Variants in ALDH1L1 observed in about 807,000 individuals in gnomAD.
ALDH1L1 encodes the protein aldehyde dehydrogenase 1 family member L1, also known as cytosolic 10-formyltetrahydrofolate dehydrogenase.
Under a neutral mutation model 101.1 loss-of-function variants are expected in ALDH1L1, and 68 were observed. That is an observed-to-expected ratio of 0.67 (90% CI 0.55 to 0.82). ALDH1L1 has a LOEUF of 0.82. Among genes scored for constraint, ALDH1L1 ranks in the 40% least tolerant of loss-of-function variants. ALDH1L1 has a pLI of 0.00. For synonymous variants in ALDH1L1, 486 were observed against 470.8 expected (o/e 1.03, Z -0.42); for missense variants, 1,087 against 1,172.7 (o/e 0.93, Z 1.07).
At chr3:126,130,813 G>A (rs2080285842) in intron 13 of ALDH1L1, among the ~76,000 whole-genome samples, 1 of 152,230 alleles carries the variant, frequency 6.6e-6, no homozygotes, top group South Asian at 2.1e-4. Flanking sequence ...CTCTACAAAT[G>A]GCCCCCAAGT....
At chr3:126,133,586 C>T (rs1408774390) in intron 12 of ALDH1L1, among the ~76,000 whole-genome samples, 2 of 152,226 alleles carry the variant, frequency 1.3e-5, no homozygotes, top group East Asian at 3.8e-4. Flanking sequence ...GTGCACTATT[C>T]GGGAAGCTCT....
intron 16 of ALDH1L1, among the ~76,000 whole-genome samples, chr3:126,121,717 G>C (rs1171228867): frequency 6.6e-5 from 10 of 152,172 alleles, no homozygotes; most frequent in Admixed American, 6.5e-4. Context: ...GTAAGAGCAG[G>C]GAATATCTGT....
chr3:126,112,643 C>G, intron 19 of ALDH1L1, 139 bp downstream of exon 19: 1 of 749,194 alleles, frequency 1.3e-6, no homozygotes, highest in Non-Finnish European at 2.2e-6. Context: ...TGTGGGTTCC[C>G]TGACCCCCGG....
At chr3:126,178,205 A>T (rs2081398651) in intron 1 of ALDH1L1, among the ~76,000 whole-genome samples, 1 of 151,872 alleles carries the variant, frequency 6.6e-6, no homozygotes, top group Admixed American at 6.6e-5. Flanking sequence ...ACAAAGTGAG[A>T]CCCATCTCTA....
At chr3:126,135,752 C>G (rs2080426472) in intron 11 of ALDH1L1, 90 bp from the exon 12 acceptor site, 2 of 1,409,692 alleles carry the variant, frequency 1.4e-6, no homozygotes, top group Non-Finnish European at 1.9e-6. Context: ...TCCTGGGGCC[C>G]CAGTGAGGCG....
rs1209309835 is a variant in ALDH1L1, at chr3:126,105,808, A to G, written c.2571T>C (p.Thr857=). ...TCTTGTTGTACGTGTTGACAAACAC[A>G]GTGCCTGCCTGGAGCTTGTCACTGA... ...LYVSDKLQAG[T]VFVNTYNKTD... Residue 857 remains threonine, a synonymous_variant, in exon 22 of 23, where the codon ACT becomes ACC. Coordinates refer to ENST00000393434, the MANE Select transcript of ALDH1L1 (RefSeq NM_012190.4). The G allele has an allele frequency of 6.2e-7, 1 of 1,614,246 alleles. No homozygotes were observed. The highest frequency in any genetic ancestry group is 8.5e-7 in the Non-Finnish European group (1 of 1,180,050).
At chr3:126,114,994 C>T (rs1433268407) in intron 17 of ALDH1L1, 3 of 467,966 alleles carry the variant, frequency 6.4e-6, no homozygotes, top group African/African-American at 2.0e-5. Context: ...TGCACCCCAT[C>T]TGCTGTCCTT....
chr3:126,154,980 C>G (rs2364371), intron 5 of ALDH1L1, among the ~76,000 whole-genome samples: 10,813 of 152,286 alleles, frequency 0.071, 493 homozygotes, highest in African/African-American at 0.12. Context: ...TGGGTCCCCA[C>G]ACAGCAACCC....
Position 126,188,152 on chromosome 3 carries a change from G to A in ALDH1L1, c.-24+9583C>T, listed in dbSNP as rs554166289. Among the ~76,000 whole-genome samples the A allele has an allele frequency of 6.6e-5, 10 of 152,336 alleles. No homozygotes were observed. The East Asian group carries it at 1.5e-3, about 23-fold the overall frequency. ...TGAAAGTCAGATATTTGTGACATGA[G>A]TATACATTTGATCCTTGGACAACGC... is the stretch of plus-strand genomic sequence containing the variant. On this transcript the variant is annotated intron_variant, in intron 1 of 2. Coordinates refer to the ALDH1L1 transcript ENST00000509952.
intron 1 of ALDH1L1, among the ~76,000 whole-genome samples, chr3:126,175,571 C>T (rs191957167): frequency 1.3e-5 from 2 of 152,186 alleles, no homozygotes; most frequent in South Asian, 2.1e-4. Context: ...TGTAATCCAT[C>T]GCATGAATAG....
intron 1 of ALDH1L1, among the ~76,000 whole-genome samples, chr3:126,165,258 C>T (rs552131726): frequency 2.0e-5 from 3 of 152,292 alleles, no homozygotes; most frequent in East Asian, 1.9e-4. Flanking sequence ...AGCCTTGCAT[C>T]CCAAGAATAA....
At chr3:126,167,731 A>T (rs2081197009) in intron 1 of ALDH1L1, among the ~76,000 whole-genome samples, 3 of 152,148 alleles carry the variant, frequency 2.0e-5, no homozygotes, top group Admixed American at 2.0e-4. Flanking sequence ...GTAAGCATTC[A>T]CATGTCGGTA....
At chr3:126,118,133 C>T (rs1427848094) in intron 16 of ALDH1L1, 35 bp from the exon 17 acceptor site, 1 of 1,569,972 alleles carries the variant, frequency 6.4e-7, no homozygotes, top group Non-Finnish European at 8.7e-7. Context: ...TCAGAGTGGT[C>T]CCCCTGGTGC....
At chr3:126,177,193 C>T (rs1333434569) in intron 1 of ALDH1L1, among the ~76,000 whole-genome samples, 2 of 152,190 alleles carry the variant, frequency 1.3e-5, no homozygotes, top group Non-Finnish European at 2.9e-5. Context: ...ATCCATCAAT[C>T]GCTCTTGATA....
rs2081579387 is a variant in ALDH1L1, at chr3:126,195,923, G to A, written c.-24+1812C>T. On this transcript the variant is annotated intron_variant, in intron 1 of 2. Transcript: ENST00000509952. ...TGGGAACCGAACAATGAGAACACTT[G>A]GACACAGGAAGGGGAACATCACACA... Among the ~76,000 whole-genome samples the A allele has an allele frequency of 2.0e-5, 3 of 152,112 alleles. 1 individual carries two copies. In the South Asian group the frequency reaches 6.2e-4, roughly 32 times the overall value.
chr3:126,196,965 A>G (rs565598843), intron 1 of ALDH1L1, among the ~76,000 whole-genome samples: 1 of 151,142 alleles, frequency 6.6e-6, no homozygotes, highest in Non-Finnish European at 1.5e-5. Context: ...ACTACTCAAG[A>G]TAATTTTTAG....
chr3:126,197,085 T>C (rs1282516546), intron 1 of ALDH1L1, among the ~76,000 whole-genome samples: 1 of 152,176 alleles, frequency 6.6e-6, no homozygotes, highest in African/African-American at 2.4e-5. Flanking sequence ...TAAAACAAGA[T>C]GGAGACCTAA....
At chr3:126,136,968 A>G in intron 10 of ALDH1L1, 85 bp from the exon 11 acceptor site, 1 of 1,548,710 alleles carries the variant, frequency 6.5e-7, no homozygotes, top group Non-Finnish European at 8.8e-7. Context: ...ACACACACAC[A>G]CTGCCCAGGG....
At chr3:126,175,142 TAAATG>T (rs1306739476) in intron 1 of ALDH1L1, among the ~76,000 whole-genome samples, 1 of 152,192 alleles carries the variant, frequency 6.6e-6, no homozygotes, top group African/African-American at 2.4e-5. Context: ...TTTGGTAAGT[TAAATG>T]AAATGAAACA....
Sources: gnomAD v4.1 joint callset for allele counts (sites outside exome capture counted in the v4.1 genomes callset) on GRCh38, gnomAD v4.1.1 for gene constraint, MANE v1.5 for transcripts, NCBI Gene and HGNC (gene_info 2026-07-23, HGNC 2026-07-21) for gene names.